Variants in USP35 observed in about 807,000 individuals in gnomAD.
The protein encoded by USP35 is ubiquitin specific peptidase 35.
A neutral mutation model predicts 83.8 loss-of-function variants in USP35; 69 were observed. The observed-to-expected ratio is 0.82, with a 90% CI of 0.68 to 1.01. The LOEUF is 1.01. Among genes scored for constraint, USP35 ranks in the 50% least tolerant of loss-of-function variants. The pLI is 0.00. For synonymous variants in USP35, 714 were observed against 589.5 expected (o/e 1.21, Z -3.06); for missense variants, 1,503 against 1,362.5 (o/e 1.10, Z -1.62).
At chr11:78,206,164 C>G in intron 7 of USP35, 129 bp downstream of exon 7, 1 of 1,224,376 alleles carries the variant, frequency 8.2e-7, no homozygotes, top group Non-Finnish European at 1.1e-6. Context: ...CAGCATGATT[C>G]CCTGAGGTCT....
In USP35 at chr11:78,196,971, G is replaced by C; in HGVS notation, c.673+53G>C. 7.0e-7 allele frequency: 1 copy of C among 1,421,954 alleles called. No individual in the cohort carries two copies. Among genetic ancestry groups the C allele is most frequent in the South Asian group, 1.6e-5 (1 of 64,358 alleles). 88.1% of individuals were successfully genotyped at this position (1,421,954 alleles called of 1,614,324 possible). ...GGGCATGCGGAGGTCCTGGGTGGGC[G>C]CTTGGGTAGGTGGCTGTACGTGTGG... On this transcript the variant is annotated intron_variant, in intron 2 of 10. Transcript: ENST00000529308. This position sits in a 1 kb window ranked among gnomAD's most constrained non-coding sequence, Gnocchi z 4.8.
Position 78,210,256 on chromosome 11 carries a change from C to T in USP35, c.2401C>T (p.Pro801Ser). Residue 801 changes from proline (P) to serine (S), a missense_variant, in exon 10 of 11, where the codon CCG (proline) becomes TCG (serine). Transcript: ENST00000529308. ...GAAGGTGGTGGAGCTGAGCCAAGGG[C>T]CGTGCTACCTCATCCTCACACTGCT... The part of the protein sequence containing the change: ...AEKVVELSQG[P>S]CYLILTLLRF... 6.2e-7 allele frequency: 1 copy of T among 1,614,130 alleles called. No individual in the cohort carries two copies. The highest frequency in any genetic ancestry group is 8.5e-7 in the Non-Finnish European group (1 of 1,180,020).
At chr11:78,199,943 T>C (rs1740072988) in intron 4 of USP35, among the ~76,000 whole-genome samples, 190 bp from the exon 5 acceptor site, 1 of 152,188 alleles carries the variant, frequency 6.6e-6, no homozygotes, top group Admixed American at 6.5e-5. Context: ...TGTCCATCCA[T>C]TCCTCAGATA....
rs112509436 is a variant in USP35 at position 78,196,228 on chromosome 11, C to A, written c.-10-8C>A. ...TCGGGCTGTGACCTCATTCCCTGTC[C>A]TCCGCAGCGCGGGCGCCATGGACAA... On this transcript the variant is annotated splice_region_variant and splice_polypyrimidine_tract_variant and intron_variant, in intron 1 of 10. Transcript: ENST00000529308. This position sits in a 1 kb window ranked among gnomAD's most constrained non-coding sequence, Gnocchi z 4.8. 5.7e-6 allele frequency: 9 copies of A among 1,580,334 alleles called. No individual in the cohort carries two copies. In the South Asian group the frequency reaches 8.9e-5, roughly 16 times the overall value.
the USP35 span, chr11:78,226,492 C>T: frequency 1.2e-6 from 2 of 1,613,380 alleles, no homozygotes; most frequent in Non-Finnish European, 1.7e-6. Context: ...TTGTCCATTG[C>T]AGGGAGGGTG....
intron 10 of USP35, 150 bp from the exon 11 acceptor site, chr11:78,213,496 C>G: frequency 2.2e-6 from 2 of 908,788 alleles, no homozygotes; most frequent in African/African-American, 3.5e-5. Context: ...GGTGTCCACC[C>G]CGGATATCCT....
chr11:78,192,454 C>G (rs908217288), intron 1 of USP35, among the ~76,000 whole-genome samples: 1 of 152,208 alleles, frequency 6.6e-6, no homozygotes, highest in African/African-American at 2.4e-5. Context: ...TCCTCCCTTC[C>G]CTGGCCTGAT....
chr11:78,227,496 G>T, the USP35 span, among the ~76,000 whole-genome samples: 4 of 152,074 alleles, frequency 2.6e-5, no homozygotes, highest in Non-Finnish European at 5.9e-5. Flanking sequence ...AAGTTGAAAA[G>T]AATTATTTGG....
rs755378134 is a variant in USP35, at chr11:78,210,676, C to T, written c.2821C>T (p.Arg941Trp). ...GGCTGAGTTGGGCTCTTCTAGAGTC[C>T]GGACAGAGCCCACCCTGCACAAGGA... ...PEAELGSSRV[R>W]TEPTLHKDLM... The change falls in exon 10 of 11, where the codon CGG (arginine) becomes TGG (tryptophan). Residue 941 changes from arginine (R) to tryptophan (W), a missense_variant. By Grantham distance (101) the Arg-to-Trp change is moderately radical. Coordinates refer to ENST00000529308, the MANE Select transcript of USP35 (RefSeq NM_020798.4). The T allele has an allele frequency of 2.1e-4, 334 of 1,609,210 alleles. 1 individual carries two copies. The East Asian group carries it at 4.8e-3, about 23-fold the overall frequency.
At chr11:78,200,379 C>A in intron 5 of USP35, 145 bp downstream of exon 5, 1 of 1,036,474 alleles carries the variant, frequency 9.6e-7, no homozygotes, top group South Asian at 1.4e-5. Context: ...GCAGCTGGAT[C>A]GTGGGCTCTG....
the USP35 span, chr11:78,222,337 G>T: frequency 1.6e-6 from 1 of 633,844 alleles, no homozygotes; most frequent in Non-Finnish European, 2.9e-6. Flanking sequence ...GCTCAGCGAG[G>T]TTGTATAATC....
the USP35 span, chr11:78,220,590 T>G: frequency 1.7e-6 from 1 of 602,288 alleles, no homozygotes; most frequent in Non-Finnish European, 2.8e-6. Flanking sequence ...ATGTTTTCAT[T>G]TTAATCCTCA....
chr11:78,226,191 A>G, the USP35 span, among the ~76,000 whole-genome samples: 1 of 152,348 alleles, frequency 6.6e-6, no homozygotes, highest in East Asian at 1.9e-4. Flanking sequence ...ATAATATGTT[A>G]TACTGTGGTT....
Position 78,214,307 on chromosome 11 carries a change from CACTGTCTGT to C in USP35, c.*497_*505del, listed in dbSNP as rs1302205449. On this transcript the variant is annotated 3_prime_UTR_variant, in exon 11 of 11. Coordinates refer to ENST00000529308, the MANE Select transcript of USP35 (RefSeq NM_020798.4). ...CTCATATGGGGGTGGGGGGTACCTG[CACTGTCTGT>C]ACCTTTCTGAGAAGAACAGAGACCG... 7.0e-6 allele frequency: 1 copy of C among 143,782 alleles called. No individual in the cohort carries two copies. Among genetic ancestry groups the C allele is most frequent in the East Asian group, 2.1e-4 (1 of 4,868 alleles). The allele number at this position is 143,782 out of a possible 1,614,324, so 8.9% of individuals were successfully genotyped here. A position where few individuals can be genotyped will look rare whatever the true frequency, so the allele number is the denominator to read the frequency against.
At chr11:78,193,744 A>C (rs1052139186) in intron 1 of USP35, among the ~76,000 whole-genome samples, 1 of 151,778 alleles carries the variant, frequency 6.6e-6, no homozygotes, top group Non-Finnish European at 1.5e-5. Context: ...AAAGAGTCAA[A>C]AACAACAACA....
At chr11:78,223,197 G>A in the USP35 span, among the ~76,000 whole-genome samples, 2 of 152,164 alleles carry the variant, frequency 1.3e-5, no homozygotes, top group Non-Finnish European at 1.5e-5. Context: ...CGCCTGCTAT[G>A]TACCAAAGTA....
intron 10 of USP35, among the ~76,000 whole-genome samples, chr11:78,212,124 T>G (rs1209193109): frequency 3.9e-5 from 6 of 152,184 alleles, no homozygotes; most frequent in African/African-American, 1.4e-4. Context: ...GTATAAGGTA[T>G]AAGGAGGGGG....
At chr11:78,193,780 ACAT>A (rs1863066660) in intron 1 of USP35, among the ~76,000 whole-genome samples, 1 of 152,194 alleles carries the variant, frequency 6.6e-6, no homozygotes, top group Non-Finnish European at 1.5e-5. Context: ...AGAATCGAAC[ACAT>A]CATTTCCCTC....
At position 78,209,889 on chromosome 11, in the gene USP35, G is replaced by T; in HGVS notation, c.2034G>T (p.Glu678Asp). The change falls in exon 10 of 11, where the codon GAG becomes GAT. Residue 678 changes from glutamate to aspartate, a missense_variant. By Grantham distance (45) the Glu-to-Asp change is conservative (BLOSUM62 2). Coordinates refer to ENST00000529308, the MANE Select transcript of USP35 (RefSeq NM_020798.4). ...GGQSSQEERI[E>D]REEEGKEERT... ...AGAGCAGTCAGGAGGAAAGGATAGA[G>T]AGGGAGGAAGAAGGGAAGGAGGAGA... is the stretch of plus-strand genomic sequence containing the variant. The T allele has an allele frequency of 6.2e-7, 1 of 1,603,924 alleles. No individual in the cohort carries two copies.
Sources: gnomAD v4.1 joint callset for allele counts (sites outside exome capture counted in the v4.1 genomes callset) on GRCh38, gnomAD v4.1.1 for gene constraint, Gnocchi (gnomAD v3.1) non-coding constraint, MANE v1.5 for transcripts, NCBI Gene and HGNC (gene_info 2026-07-23, HGNC 2026-07-21) for gene names.